The following CDO1 variants were observed in gnomAD, a reference collection of about 807,000 sequenced individuals.
The protein encoded by CDO1 is cysteine dioxygenase type 1, also known as cysteine dioxygenase, type I.
CDO1 carries 19 observed loss-of-function variants against 24.5 expected under a neutral mutation model. The ratio of observed to expected loss-of-function variants is 0.77; its 90% CI spans 0.54 to 1.14. The LOEUF (loss-of-function observed/expected upper bound fraction) is 1.14, where lower values mean the gene tolerates loss of function less well. Ranked by LOEUF, CDO1 falls within the 50% of genes most tolerant of loss-of-function variation. The probability of loss-of-function intolerance (pLI) is 0.00; values close to 1 mark genes in which losing one functional copy is unlikely to be tolerated. For missense variants in CDO1, 244 were observed against 244.8 expected (o/e 1.00, Z 0.02); for synonymous variants, 91 against 87.0 (o/e 1.05, Z -0.26).
chr5:115,806,346 C>T lies in CDO1; in HGVS notation c.573+3G>A. 6.3e-7 allele frequency: 1 copy of T among 1,597,274 alleles called. No homozygotes were observed. The highest frequency in any genetic ancestry group is 1.1e-5 in the South Asian group (1 of 87,936). On this transcript the variant is annotated splice_donor_region_variant and intron_variant, in intron 4 of 4. Transcript: ENST00000250535. ...ATTTAAACCTAGAAGAAATTATACT[C>T]ACATTTGGAGTTCTGATTCCAAATT...
Position 115,812,365 on chromosome 5 carries a change from G to GTGAAAC in CDO1, c.248+810_248+815dup, listed in dbSNP as rs1271141366. On this transcript the variant is annotated intron_variant, in intron 2 of 4. Coordinates refer to ENST00000250535, the MANE Select transcript of CDO1 (RefSeq NM_001801.3). Reference sequence around the variant, plus strand: ...TTAGTTGATAATAAGACTGTCAAACGTGAAACTAAAGATAAATTAAGGAGC... The same window carrying GTGAAAC: ...TTAGTTGATAATAAGACTGTCAAACGTGAAACTGAAACTAAAGATAAATTAAGGAGC... Among the ~76,000 whole-genome samples the GTGAAAC allele has an allele frequency of 2.6e-5, 4 of 152,134 alleles. No homozygotes were observed. The East Asian group carries it at 5.8e-4, about 22-fold the overall frequency.
At chr5:115,813,119 A>G (rs912025997) in intron 2 of CDO1, 62 bp downstream of exon 2, 6 of 925,432 alleles carry the variant, frequency 6.5e-6, no homozygotes, top group Non-Finnish European at 1.1e-5. Flanking sequence ...GCCTGGTACT[A>G]TATTTTTCAT....
At chr5:115,813,073 A>T (rs76326488) in intron 2 of CDO1, 108 bp downstream of exon 2, 1 of 507,374 alleles carries the variant, frequency 2.0e-6, no homozygotes, top group East Asian at 3.7e-5. Context: ...AAAAAAAAAA[A>T]ATGAGATTTG....
chr5:115,811,371 G>A (rs1369860849), intron 2 of CDO1, 56 bp from the exon 3 acceptor site: 1 of 1,314,088 alleles, frequency 7.6e-7, no homozygotes, highest in Non-Finnish European at 1.1e-6. Context: ...ATCCAGACCT[G>A]CAGTAACAGT....
chr5:115,810,511 T>C (rs962885935), intron 3 of CDO1, among the ~76,000 whole-genome samples: 5 of 152,210 alleles, frequency 3.3e-5, no homozygotes, highest in Admixed American at 2.0e-4. Context: ...TCTTCCTATG[T>C]GTTGGCAACC....
intron 3 of CDO1, among the ~76,000 whole-genome samples, chr5:115,810,708 G>A (rs1038875273): frequency 2.0e-5 from 3 of 152,048 alleles, no homozygotes; most frequent in Non-Finnish European, 2.9e-5. Context: ...ATAAATCACT[G>A]GCCAATAACG....
Position 115,811,194 on chromosome 5 carries a change from C to G in CDO1, c.370G>C (p.Val124Leu). Reference sequence around the variant, plus strand: ...TAGGCACACTGGTTTTCCCTCAAGACTCTTTCAGACTTCTTGACCATCTCA... The same window carrying G: ...TAGGCACACTGGTTTTCCCTCAAGAGTCTTTCAGACTTCTTGACCATCTCA... Reference protein sequence around the residue: ...SNEMVKKSERVLRENQCAYIN... With the variant: ...SNEMVKKSERLLRENQCAYIN... The change falls in exon 3 of 5, where the codon GTC becomes CTC. Residue 124 changes from valine to leucine, a missense_variant. Val to Leu is a conservative substitution (Grantham distance 32, BLOSUM62 1). Coordinates refer to ENST00000250535, the MANE Select transcript of CDO1 (RefSeq NM_001801.3). 6.2e-7 allele frequency: 1 copy of G among 1,613,752 alleles called. No homozygotes were observed. Among genetic ancestry groups the G allele is most frequent in the Non-Finnish European group, 8.5e-7 (1 of 1,179,722 alleles).
chr5:115,816,465 G>A lies in CDO1; in HGVS notation c.-68C>T, dbSNP rs1174522148. The A allele has an allele frequency of 1.3e-6, 2 of 1,571,306 alleles. No individual in the cohort carries two copies. Among genetic ancestry groups the A allele is most frequent in the African/African-American group, 1.3e-5 (1 of 74,252 alleles). On this transcript the variant is annotated 5_prime_UTR_variant, in exon 1 of 5. Transcript: ENST00000250535. ...CGGTGGAGGAGCTGAGCGAGCCAAG[G>A]AGCTGGGGGCGAGGGAGCCTAACAG...
chr5:115,813,210 C>T lies in CDO1; in HGVS notation c.219G>A (p.Met73Ile). The T allele has an allele frequency of 6.2e-7, 1 of 1,600,412 alleles. No homozygotes were observed. The highest frequency in any genetic ancestry group is 1.1e-5 in the South Asian group (1 of 90,676). The change falls in exon 2 of 5, where the codon ATG (methionine) becomes ATA (isoleucine). Residue 73 changes from methionine to isoleucine, a missense_variant. Transcript: ENST00000250535. ...CATGTCCTTCACCCCAACAGAGAATCATCAGATTAAATTTTCCATTTCCTT... is the reference window on the plus strand; with the variant it reads ...CATGTCCTTCACCCCAACAGAGAATTATCAGATTAAATTTTCCATTTCCTT... The part of the protein sequence containing the change: ...VDQGNGKFNL[M>I]ILCWGEGHGS...
At chr5:115,806,018 T>A (rs1759931000) in intron 4 of CDO1, among the ~76,000 whole-genome samples, 1 of 152,226 alleles carries the variant, frequency 6.6e-6, no homozygotes, top group Non-Finnish European at 1.5e-5. Flanking sequence ...TTATGCAACT[T>A]ATCCCTGTTG....
At chr5:115,811,088 G>GT in intron 3 of CDO1, 73 bp downstream of exon 3, 2 of 1,366,370 alleles carry the variant, frequency 1.5e-6, no homozygotes, top group East Asian at 2.3e-5. Flanking sequence ...CATAAAAAGT[G>GT]TAAGTAACCA....
chr5:115,814,115 G>C (rs1017585546), intron 1 of CDO1, among the ~76,000 whole-genome samples: 1 of 151,666 alleles, frequency 6.6e-6, no homozygotes, highest in South Asian at 2.1e-4. Flanking sequence ...TTTTCCCTTC[G>C]TCATCGGTTA....
At position 115,816,309 on chromosome 5, in the gene CDO1, A is replaced by G. The variant is rs1352003133; in HGVS notation, c.89T>C (p.Val30Ala). The G allele has an allele frequency of 1.9e-5, 31 of 1,613,836 alleles. No homozygotes were observed. Among genetic ancestry groups the G allele is most frequent in the Non-Finnish European group, 2.4e-5 (28 of 1,179,984 alleles). ...TTCCATGATGGCCTGCACCTCCTCT[A>G]CATTGACCTCATCGCCGGCAAAGAG... ...HQLFAGDEVN[V>A]EEVQAIMEAY... Residue 30 changes from valine to alanine, a missense_variant, in exon 1 of 5, where the codon GTA (valine) becomes GCA (alanine). Val to Ala is a moderately conservative substitution (Grantham distance 64). Coordinates refer to ENST00000250535, the MANE Select transcript of CDO1 (RefSeq NM_001801.3).
In CDO1 at chr5:115,816,311, A is replaced by C. The variant is rs759747471; in HGVS notation, c.87T>G (p.Asn29Lys). 1 of 1,613,946 alleles carries C rather than the reference A, an allele frequency of 6.2e-7. No individual in the cohort carries two copies. Among genetic ancestry groups the C allele is most frequent in the Non-Finnish European group, 8.5e-7 (1 of 1,179,968 alleles). Reference sequence around the variant, plus strand: ...CCATGATGGCCTGCACCTCCTCTACATTGACCTCATCGCCGGCAAAGAGCT... The same window carrying C: ...CCATGATGGCCTGCACCTCCTCTACCTTGACCTCATCGCCGGCAAAGAGCT... The part of the protein sequence containing the change: ...LHQLFAGDEV[N>K]VEEVQAIMEA... Residue 29 changes from asparagine (N) to lysine (K), a missense_variant, in exon 1 of 5, where the codon AAT becomes AAG. Asn to Lys is a moderately conservative substitution (Grantham distance 94). Coordinates refer to ENST00000250535, the MANE Select transcript of CDO1 (RefSeq NM_001801.3).
Position 115,812,267 on chromosome 5 carries a change from T to G in CDO1, c.248+914A>C, listed in dbSNP as rs368273306. Among the ~76,000 whole-genome samples, 3 of 152,300 alleles carry G rather than the reference T, an allele frequency of 2.0e-5. No individual in the cohort carries two copies. The South Asian group carries it at 6.2e-4, about 32-fold the overall frequency. ...ACTTATAAATTCATGTTTTCTTTCA[T>G]AAAAATGGATCTAAATTATTGCTTT... On this transcript the variant is annotated intron_variant, in intron 2 of 4. Transcript: ENST00000250535.
In CDO1 at chr5:115,816,376, T is replaced by A; in HGVS notation, c.22A>T (p.Lys8Ter). 6.2e-7 allele frequency: 1 copy of A among 1,613,508 alleles called. No homozygotes were observed. Among genetic ancestry groups the A allele is most frequent in the South Asian group, 1.1e-5 (1 of 91,066 alleles). The stretch of plus-strand genomic sequence containing the variant: ...ATCAGATCAGCCAGGGTCCGTGGCT[T>A]CAGCACTTCGGTCTGTTCCATCTCG... The part of the protein sequence containing the change: MEQTEVL[K>*]PRTLADLIRI... The change falls in exon 1 of 5, where the codon AAG becomes TAG. Residue 8 changes from lysine (K) to a stop codon, truncating the protein, a stop_gained. Transcript: ENST00000250535. LOFTEE classifies it high-confidence loss of function.
intron 2 of CDO1, 115 bp from the exon 3 acceptor site, chr5:115,811,430 C>A (rs1013489671): frequency 1.8e-5 from 12 of 679,050 alleles, no homozygotes; most frequent in Non-Finnish European, 2.0e-5. Context: ...TCTCCCCAGC[C>A]AAAATCCATT....
chr5:115,805,923 A>G (rs1014923872), intron 4 of CDO1, among the ~76,000 whole-genome samples: 2 of 152,202 alleles, frequency 1.3e-5, no homozygotes, highest in Non-Finnish European at 2.9e-5. Flanking sequence ...AAATGGCATA[A>G]CAACTCTAAG....
At chr5:115,815,240 C>T (rs1276346186) in intron 1 of CDO1, among the ~76,000 whole-genome samples, 4 of 152,174 alleles carry the variant, frequency 2.6e-5, no homozygotes, top group Admixed American at 2.6e-4. Flanking sequence ...ACCACAAAGA[C>T]TGACGCACTA....
Sources: gnomAD v4.1 joint callset for allele counts (sites outside exome capture counted in the v4.1 genomes callset) on GRCh38, gnomAD v4.1.1 for gene constraint, MANE v1.5 for transcripts, NCBI Gene and HGNC (gene_info 2026-07-23, HGNC 2026-07-21) for gene names.